The following DLGAP2 variants were observed in gnomAD, a reference collection of about 807,000 sequenced individuals.
DLGAP2 encodes disks large-associated protein 2.
Under a neutral mutation model 100.3 loss-of-function variants are expected in DLGAP2, and 26 were observed. That is an observed-to-expected ratio of 0.26 (90% CI 0.19 to 0.36). The LOEUF (loss-of-function observed/expected upper bound fraction) is 0.36. Ranked by LOEUF, DLGAP2 falls within the 10% of genes least tolerant of loss-of-function variation. The pLI is 1.00. For synonymous variants in DLGAP2, 886 were observed against 630.1 expected, an observed-to-expected ratio of 1.41 and a Z score of -6.08; for missense variants, 1,858 against 1,453.2, an observed-to-expected ratio of 1.28 and a Z score of -4.53.
chr8:1,173,350 A>G (rs1797173597), intron 2 of DLGAP2, among the ~76,000 whole-genome samples: 1 of 152,200 alleles, frequency 6.6e-6, no homozygotes, highest in African/African-American at 2.4e-5. Context: ...CCACTTGAGG[A>G]GGCAGTCTGC....
intron 3 of DLGAP2, among the ~76,000 whole-genome samples, chr8:1,467,331 C>G (rs1157618522): frequency 6.6e-6 from 1 of 152,016 alleles, no homozygotes; most frequent in Admixed American, 6.6e-5. Context: ...GTTCCTCAGA[C>G]CCATCCCCAT....
intron 2 of DLGAP2, among the ~76,000 whole-genome samples, chr8:1,182,251 A>T (rs1585129162): frequency 6.6e-6 from 1 of 152,202 alleles, no homozygotes; most frequent in East Asian, 1.9e-4. Flanking sequence ...GGCGACTGCC[A>T]TGTTCCTGTT....
chr8:1,193,137 G>C (rs575297660), intron 2 of DLGAP2, among the ~76,000 whole-genome samples: 207 of 152,246 alleles, frequency 1.4e-3, no homozygotes, highest in African/African-American at 4.8e-3. Context: ...AAACATACGT[G>C]TGCATGTGTC....
At chr8:1,043,979 C>T (rs1802446655) in intron 2 of DLGAP2, among the ~76,000 whole-genome samples, 1 of 152,072 alleles carries the variant, frequency 6.6e-6, no homozygotes, top group South Asian at 2.1e-4. Flanking sequence ...CTTTGCATCA[C>T]CTCTGAAGCC....
At chr8:1,629,559 G>C (rs1797592304) in intron 7 of DLGAP2, among the ~76,000 whole-genome samples, 1 of 152,218 alleles carries the variant, frequency 6.6e-6, no homozygotes, top group African/African-American at 2.4e-5. Context: ...TAACTAAACA[G>C]AGTAACTGAA....
chr8:1,626,594 G>A (rs1422919376), intron 6 of DLGAP2, 146 bp from the exon 7 acceptor site: 30 of 967,524 alleles, frequency 3.1e-5, no homozygotes, highest in Non-Finnish European at 4.3e-5. Context: ...CAGGTGCTCA[G>A]CCTCTGGGTG....
intron 2 of DLGAP2, among the ~76,000 whole-genome samples, chr8:1,193,455 G>A (rs1198682999): frequency 6.6e-6 from 1 of 152,118 alleles, no homozygotes. Flanking sequence ...GTGTCTTTTG[G>A]CTACATAAAT....
At chr8:1,440,223 TGTG>T in intron 3 of DLGAP2, among the ~76,000 whole-genome samples, 1 of 152,278 alleles carries the variant, frequency 6.6e-6, no homozygotes, top group Middle Eastern at 3.4e-3. Context: ...AGCCCTAAAT[TGTG>T]GTATAAATCG....
intron 3 of DLGAP2, among the ~76,000 whole-genome samples, chr8:1,299,342 C>G (rs1439654136): frequency 2.0e-5 from 3 of 152,338 alleles, no homozygotes; most frequent in Admixed American, 6.5e-5. Context: ...CTCCACCATA[C>G]AAGGGAATAA....
chr8:1,359,654 G>A (rs1299259441), intron 3 of DLGAP2, among the ~76,000 whole-genome samples: 2 of 152,222 alleles, frequency 1.3e-5, no homozygotes, highest in African/African-American at 2.4e-5. Context: ...ATGCGGTGGC[G>A]CTGGCAGATA....
chr8:1,422,264 A>T (rs911027366), intron 3 of DLGAP2, among the ~76,000 whole-genome samples: 8 of 152,202 alleles, frequency 5.3e-5, no homozygotes, highest in Non-Finnish European at 1.2e-4. Flanking sequence ...AAGATACCAG[A>T]AGACCAGGGA....
chr8:854,988 A>G (rs1166835352), intron 1 of DLGAP2, among the ~76,000 whole-genome samples: 1 of 152,146 alleles, frequency 6.6e-6, no homozygotes, highest in Non-Finnish European at 1.5e-5. Context: ...AAAAAGAAAG[A>G]GGTCAAAACA....
chr8:1,523,136 G>T (rs1800666954), intron 4 of DLGAP2, among the ~76,000 whole-genome samples: 1 of 152,208 alleles, frequency 6.6e-6, no homozygotes, highest in South Asian at 2.1e-4. Flanking sequence ...CCACGCGTAT[G>T]ATAAGTTCTG....
chr8:1,312,352 T>G (rs905739279), intron 3 of DLGAP2, among the ~76,000 whole-genome samples: 4 of 152,202 alleles, frequency 2.6e-5, no homozygotes, highest in African/African-American at 9.7e-5. Flanking sequence ...TCATTAAAAT[T>G]TAAAACTTCT....
intron 2 of DLGAP2, among the ~76,000 whole-genome samples, chr8:1,050,577 T>C (rs1284054433): frequency 6.6e-6 from 1 of 152,220 alleles, no homozygotes; most frequent in Non-Finnish European, 1.5e-5. Context: ...AAGGAGCGCC[T>C]GTCCCTGAAT....
intron 2 of DLGAP2, among the ~76,000 whole-genome samples, chr8:1,185,141 C>T (rs1330666641): frequency 1.3e-5 from 2 of 152,132 alleles, no homozygotes; most frequent in African/African-American, 4.8e-5. Context: ...GTGGCGACGG[C>T]ATAACTGTTG....
chr8:1,094,051 C>T (rs991083745), intron 2 of DLGAP2, among the ~76,000 whole-genome samples: 6 of 150,074 alleles, frequency 4.0e-5, no homozygotes, highest in Non-Finnish European at 5.9e-5. Context: ...GGCAGCTCCG[C>T]GGTGGAGGGA....
At chr8:1,226,715 A>G (rs1798423498) in intron 2 of DLGAP2, among the ~76,000 whole-genome samples, 1 of 152,262 alleles carries the variant, frequency 6.6e-6, no homozygotes. Flanking sequence ...TTCCCTGAGG[A>G]TTAGTGATGT....
intron 4 of DLGAP2, among the ~76,000 whole-genome samples, chr8:1,512,552 C>G (rs917977663): frequency 2.0e-5 from 3 of 152,092 alleles, no homozygotes; most frequent in Non-Finnish European, 2.9e-5. Flanking sequence ...CGCACTCCCC[C>G]GAGAGAGGCC....
Sources: gnomAD v4.1 joint callset for allele counts (sites outside exome capture counted in the v4.1 genomes callset) on GRCh38, gnomAD v4.1.1 for gene constraint, MANE v1.5 for transcripts, NCBI Gene and HGNC (gene_info 2026-07-23, HGNC 2026-07-21) for gene names.